Variants in TMEM165 observed in about 807,000 individuals in gnomAD.
The protein encoded by TMEM165 is putative divalent cation/proton antiporter TMEM165.
A neutral mutation model predicts 30.0 loss-of-function variants in TMEM165; 19 were observed. That is an observed-to-expected ratio of 0.63 (90% CI 0.44 to 0.93). The LOEUF (loss-of-function observed/expected upper bound fraction) is 0.93, where lower values mean the gene tolerates loss of function less well. TMEM165 is among the 40% of genes least tolerant of loss of function. The pLI is 0.00. For synonymous variants in TMEM165, 168 were observed against 162.9 expected (o/e 1.03, Z -0.24); for missense variants, 340 against 417.0 (o/e 0.82, Z 1.61).
chr4:55,448,723 C>G (rs528962953), intron 3 of TMEM165: 21 of 1,412,038 alleles, frequency 1.5e-5, no homozygotes, highest in Non-Finnish European at 2.0e-5. Context: ...ATTACATTAG[C>G]TTAAAAGCAA....
chr4:55,430,402 C>G (rs1213710980), downstream of TMEM165: 1 of 152,134 alleles, frequency 6.6e-6, no homozygotes, highest in Non-Finnish European at 1.5e-5. Context: ...GGGGAAAAAA[C>G]TATGCAAAAC....
In TMEM165 at chr4:55,424,662, A is replaced by C. The variant is rs1722120436; in HGVS notation, c.898+19A>C. On this transcript the variant is annotated intron_variant, in intron 5 of 5. Transcript: ENST00000381334. The stretch of plus-strand genomic sequence containing the variant: ...AGAACTGGTAAGTCTTGAAAATTAC[A>C]AATCAGATAACATTTTAGAATCACT... 3 of 1,434,178 alleles carry C rather than the reference A, an allele frequency of 2.1e-6. No individual in the cohort carries two copies. Among genetic ancestry groups the C allele is most frequent in the Non-Finnish European group, 3.0e-6 (3 of 1,015,954 alleles). The allele number at this position is 1,434,178 out of a possible 1,614,324, so 88.8% of individuals were successfully genotyped here. A position where few individuals can be genotyped will look rare whatever the true frequency, so the allele number is the denominator to read the frequency against.
chr4:55,423,832 A>G (rs532768), intron 4 of TMEM165: 124,008 of 152,314 alleles, frequency 0.81, 50,637 homozygotes, highest in East Asian at 0.98. Flanking sequence ...CCTCACCTGG[A>G]CTCCCACCTA....
chr4:55,417,676 G>T (rs1023745367), intron 3 of TMEM165, 127 bp from the exon 4 acceptor site: 1 of 750,720 alleles, frequency 1.3e-6, no homozygotes, highest in Non-Finnish European at 2.1e-6. Context: ...AGGTTTGGGG[G>T]TCACATAAAT....
At chr4:55,427,506 C>CTAAT (rs1722274138), downstream of TMEM165, among the ~76,000 whole-genome samples, 2 of 151,202 alleles carry the variant, frequency 1.3e-5, no homozygotes, top group Admixed American at 6.6e-5. Context: ...CCACGCCTGG[C>CTAAT]TAATTTTTTT....
rs139225438 is a variant in TMEM165, at chr4:55,446,031, A to C, written c.409-6208A>C. 6.5e-3 allele frequency among the ~76,000 whole-genome samples: 986 copies of C among 151,374 alleles called. 16 individuals carry two copies. Among genetic ancestry groups the C allele is most frequent in the African/African-American group, 0.022 (916 of 41,186 alleles). Reference sequence around the variant, plus strand: ...TCTGACTGGATACTTGACTGATTACACATACACCCTGGATTTACAAGACCT... The same window carrying C: ...TCTGACTGGATACTTGACTGATTACCCATACACCCTGGATTTACAAGACCT... On this transcript the variant is annotated intron_variant, in intron 3 of 3. Coordinates refer to the TMEM165 transcript ENST00000608091.
chr4:55,417,004 C>T (rs559417315), intron 2 of TMEM165, 68 bp from the exon 3 acceptor site: 41 of 1,348,604 alleles, frequency 3.0e-5, no homozygotes, highest in Middle Eastern at 2.0e-4. Context: ...TTATTATTTC[C>T]GAAGTTAACT....
intron 4 of TMEM165, among the ~76,000 whole-genome samples, chr4:55,422,579 T>C (rs2109562607): frequency 1.3e-5 from 2 of 152,202 alleles, no homozygotes; most frequent in Admixed American, 1.3e-4. Flanking sequence ...CTCTTAACTT[T>C]AAAAATCACA....
chr4:55,435,620 ATTGCT>A (rs1196484287), intron 3 of TMEM165: 7 of 1,611,848 alleles, frequency 4.3e-6, no homozygotes, highest in Non-Finnish European at 5.9e-6. Context: ...ATTATGCAGC[ATTGCT>A]TTACTCCCTT....
chr4:55,428,386 T>C (rs1722322381), downstream of TMEM165: 1 of 152,212 alleles, frequency 6.6e-6, no homozygotes, highest in Non-Finnish European at 1.5e-5. Flanking sequence ...CAATATTGTA[T>C]TTCCAAACAT....
At chr4:55,444,815 T>C in intron 3 of TMEM165, 2 of 1,607,284 alleles carry the variant, frequency 1.2e-6, no homozygotes, top group South Asian at 1.1e-5. Flanking sequence ...AAAAGTGTAA[T>C]ATATTTTAGA....
chr4:55,424,854 G>C, intron 5 of TMEM165: 1 of 519,884 alleles, frequency 1.9e-6, no homozygotes, highest in Non-Finnish European at 3.4e-6. Flanking sequence ...CATTTTTATC[G>C]AATTCATAGT....
chr4:55,423,355 C>T (rs1277301236), intron 4 of TMEM165: 1 of 152,256 alleles, frequency 6.6e-6, no homozygotes, highest in Non-Finnish European at 1.5e-5. Context: ...CAGTTTCTTC[C>T]CAGGGCTGTT....
At chr4:55,451,385 T>C (rs1724434542) in intron 3 of TMEM165, among the ~76,000 whole-genome samples, 1 of 152,212 alleles carries the variant, frequency 6.6e-6, no homozygotes. Context: ...CCTAACTTAC[T>C]AGCTATTACC....
chr4:55,442,549 T>C (rs1312443276), intron 3 of TMEM165: 3 of 1,611,382 alleles, frequency 1.9e-6, no homozygotes, highest in African/African-American at 1.4e-5. Flanking sequence ...CACCATAGTG[T>C]TATACAGTGG....
chr4:55,406,221 C>G (rs1053541927), intron 1 of TMEM165, among the ~76,000 whole-genome samples: 1 of 152,210 alleles, frequency 6.6e-6, no homozygotes, highest in Admixed American at 6.5e-5. Context: ...TCACAGCTTA[C>G]AAGAAATTGA....
chr4:55,436,239 C>T (rs1036762245), intron 3 of TMEM165, among the ~76,000 whole-genome samples: 2 of 152,084 alleles, frequency 1.3e-5, no homozygotes, highest in African/African-American at 4.8e-5. Flanking sequence ...AAAGTTGCAG[C>T]CTTAGGTCCG....
chr4:55,449,567 G>C (rs1724241816), intron 3 of TMEM165: 1 of 1,284,118 alleles, frequency 7.8e-7, no homozygotes, highest in African/African-American at 1.5e-5. Context: ...ATCTCAAAAT[G>C]TATTTCAGTT....
rs114881602 is a variant in TMEM165 at position 55,411,384 on chromosome 4, C to T, written c.208-230C>T. 7.2e-3 allele frequency among the ~76,000 whole-genome samples: 1,095 copies of T among 151,956 alleles called. 10 individuals carry two copies. Among genetic ancestry groups the T allele is most frequent in the African/African-American group, 0.023 (944 of 41,440 alleles). On this transcript the variant is annotated intron_variant, in intron 1 of 5. Coordinates refer to ENST00000381334, the MANE Select transcript of TMEM165 (RefSeq NM_018475.5). ...AAATATTCCAAAATCTAAAAAAATC[C>T]AAAATTCCAACTACTTCTGGTCCCA...
Sources: gnomAD v4.1 joint callset for allele counts (sites outside exome capture counted in the v4.1 genomes callset) on GRCh38, gnomAD v4.1.1 for gene constraint, MANE v1.5 for transcripts, NCBI Gene and HGNC (gene_info 2026-07-23, HGNC 2026-07-21) for gene names.